Variants in PPP3CC observed in about 807,000 individuals in gnomAD.
The protein encoded by PPP3CC is protein phosphatase 3 catalytic subunit gamma.
In PPP3CC, 35 loss-of-function variants were observed where a neutral mutation model predicts 60.3. The observed-to-expected ratio is 0.58, with a 90% CI of 0.44 to 0.77. The LOEUF (loss-of-function observed/expected upper bound fraction) is 0.77, where lower values mean the gene tolerates loss of function less well. Among genes scored for constraint, PPP3CC ranks in the 30% least tolerant of loss-of-function variants. The pLI is 0.00. For synonymous variants in PPP3CC, 206 were observed against 224.3 expected, an observed-to-expected ratio of 0.92 and a Z score of 0.73; for missense variants, 570 against 628.9, an observed-to-expected ratio of 0.91 and a Z score of 1.00.
chr8:22,498,209 T>C (rs944857795), intron 4 of PPP3CC, 97 bp downstream of exon 4: 9 of 686,332 alleles, frequency 1.3e-5, no homozygotes, highest in Non-Finnish European at 2.1e-5. Flanking sequence ...AGAATTTAAA[T>C]GCTTCCTGTC....
intron 2 of PPP3CC, 85 bp from the exon 3 acceptor site, chr8:22,475,414 GA>G: frequency 7.1e-7 from 1 of 1,411,160 alleles, no homozygotes; most frequent in Non-Finnish European, 9.6e-7. Flanking sequence ...ATTTAAGTTA[GA>G]AGTTAAACTG....
chr8:22,536,436 A>G (rs1054146714), intron 12 of PPP3CC, among the ~76,000 whole-genome samples: 1 of 152,252 alleles, frequency 6.6e-6, no homozygotes. Flanking sequence ...AACTTTGTCT[A>G]AACCTTGAGA....
In PPP3CC at chr8:22,455,461, G is replaced by GT. The variant is rs555146278; in HGVS notation, c.49+14010dup. Among the ~76,000 whole-genome samples, 481 of 152,218 alleles carry GT rather than the reference G, an allele frequency of 3.2e-3. 3 individuals carry two copies. Among genetic ancestry groups the GT allele is most frequent in the African/African-American group, 0.011 (455 of 41,530 alleles). On this transcript the variant is annotated intron_variant, in intron 1 of 13. Coordinates refer to ENST00000240139, the MANE Select transcript of PPP3CC (RefSeq NM_005605.5). ...TGGCCTGAAGAGGTAAGACTTTTGT[G>GT]TTTTTTTATGTGTGTGCCTACGTAT...
Position 22,441,425 on chromosome 8 carries a change from T to G in PPP3CC, c.16T>G (p.Phe6Val). Reference sequence around the variant, plus strand: ...CGAGGGGACCATGTCCGGGAGGCGCTTCCACCTCTCCACCACCGACCGCGT... The same window carrying G: ...CGAGGGGACCATGTCCGGGAGGCGCGTCCACCTCTCCACCACCGACCGCGT... Reference protein sequence around the residue: MSGRRFHLSTTDRVIK... With the variant: MSGRRVHLSTTDRVIK... Residue 6 changes from phenylalanine to valine, a missense_variant, in exon 1 of 14, where the codon TTC becomes GTC. Physicochemically the swap from Phe to Val is conservative, Grantham distance 50. Coordinates refer to ENST00000240139, the MANE Select transcript of PPP3CC (RefSeq NM_005605.5). 2 of 1,546,384 alleles carry G rather than the reference T, an allele frequency of 1.3e-6. No homozygotes were observed. The highest frequency in any genetic ancestry group is 1.7e-6 in the Non-Finnish European group (2 of 1,146,298).
intron 8 of PPP3CC, among the ~76,000 whole-genome samples, chr8:22,526,665 A>G (rs1839569697): frequency 6.6e-6 from 1 of 152,174 alleles, no homozygotes; most frequent in African/African-American, 2.4e-5. Flanking sequence ...GAATAGTGCA[A>G]ACAACATTGC....
chr8:22,540,136 G>T (rs1465839332), intron 13 of PPP3CC, among the ~76,000 whole-genome samples: 1 of 152,224 alleles, frequency 6.6e-6, no homozygotes, highest in Non-Finnish European at 1.5e-5. Context: ...GGTTGTGCAA[G>T]ATAGAAAGCT....
chr8:22,515,879 A>G (rs1050860995), intron 6 of PPP3CC, among the ~76,000 whole-genome samples: 1 of 151,864 alleles, frequency 6.6e-6, no homozygotes, highest in African/African-American at 2.4e-5. Flanking sequence ...CTCTTGTCAG[A>G]TGGATAGTAA....
At chr8:22,454,411 G>C (rs1271085032) in intron 1 of PPP3CC, among the ~76,000 whole-genome samples, 5 of 152,174 alleles carry the variant, frequency 3.3e-5, no homozygotes, top group Non-Finnish European at 7.3e-5. Flanking sequence ...ACTTCCTGAA[G>C]GACCTGTCTG....
intron 1 of PPP3CC, among the ~76,000 whole-genome samples, chr8:22,466,163 G>T (rs917540478): frequency 6.4e-5 from 8 of 124,280 alleles, no homozygotes; most frequent in Non-Finnish European, 1.5e-4. Context: ...CAAAGGACAT[G>T]AACTCATCCT....
At chr8:22,534,068 A>G (rs1399672233) in intron 12 of PPP3CC, among the ~76,000 whole-genome samples, 20 of 151,582 alleles carry the variant, frequency 1.3e-4, no homozygotes, top group Admixed American at 1.3e-3. Flanking sequence ...GCATGGTGGC[A>G]TACTCCTGTA....
rs372044929 is a variant in PPP3CC at position 22,533,030 on chromosome 8, A to T, written c.1321+12A>T. The T allele has an allele frequency of 2.0e-5, 31 of 1,551,052 alleles. No homozygotes were observed. The highest frequency in any genetic ancestry group is 2.5e-5 in the Non-Finnish European group (29 of 1,139,954). ...GACTATCGAGACAGGTGAGTATGAG[A>T]GTGCTCCTCCATGGAAGGTGTGCTC... is the stretch of plus-strand genomic sequence containing the variant. On this transcript the variant is annotated intron_variant, in intron 12 of 13. Transcript: ENST00000240139.
chr8:22,537,849 A>G (rs779330754), intron 12 of PPP3CC, among the ~76,000 whole-genome samples: 1 of 152,200 alleles, frequency 6.6e-6, no homozygotes, highest in Non-Finnish European at 1.5e-5. Flanking sequence ...AGAACAGACC[A>G]ATCTAGAGAG....
At position 22,530,666 on chromosome 8, in the gene PPP3CC, A is replaced by G. The variant is rs554310277; in HGVS notation, c.1142-1559A>G. Among the ~76,000 whole-genome samples, 13 of 151,602 alleles carry G rather than the reference A, an allele frequency of 8.6e-5. 1 individual carries two copies. The South Asian group carries it at 2.7e-3, about 32-fold the overall frequency. On this transcript the variant is annotated intron_variant, in intron 10 of 13. Transcript: ENST00000240139. ...GCCAACATGGTGAAACCCCATCTCT[A>G]CTAAAAATACAAAAATTAGCTGGGG...
chr8:22,445,992 G>C (rs930495945), intron 1 of PPP3CC, among the ~76,000 whole-genome samples: 1 of 152,000 alleles, frequency 6.6e-6, no homozygotes, highest in African/African-American at 2.4e-5. Context: ...TTACCTATAC[G>C]TTATTGGTTG....
intron 3 of PPP3CC, chr8:22,492,548 G>A: frequency 2.7e-6 from 1 of 370,832 alleles, no homozygotes; most frequent in Non-Finnish European, 4.9e-6. Context: ...ATCTCAGCTG[G>A]TGGTCCACCC....
intron 4 of PPP3CC, among the ~76,000 whole-genome samples, chr8:22,500,099 T>G (rs1409236435): frequency 6.6e-6 from 1 of 152,210 alleles, no homozygotes; most frequent in Non-Finnish European, 1.5e-5. Context: ...AAAGAATTTC[T>G]GGGTTAGGGG....
chr8:22,449,139 GA>G (rs1158269442), intron 1 of PPP3CC, among the ~76,000 whole-genome samples: 1 of 151,962 alleles, frequency 6.6e-6, no homozygotes, highest in Non-Finnish European at 1.5e-5. Context: ...AAGTTAGGGA[GA>G]AAAAAAGTAC....
intron 3 of PPP3CC, among the ~76,000 whole-genome samples, chr8:22,480,254 G>GT (rs1233732139): frequency 6.6e-6 from 1 of 151,996 alleles, no homozygotes; most frequent in Non-Finnish European, 1.5e-5. Flanking sequence ...TTAAGACTGA[G>GT]TTATGAGTTA....
intron 6 of PPP3CC, among the ~76,000 whole-genome samples, chr8:22,513,684 G>C (rs78285190): frequency 0.016 from 2,509 of 152,120 alleles, 77 homozygotes; most frequent in African/African-American, 0.057. Flanking sequence ...CTGACTCTAA[G>C]TGATCTAGAC....
Sources: allele counts gnomAD v4.1 joint callset (sites outside exome capture counted in the v4.1 genomes callset), GRCh38; gene constraint gnomAD v4.1.1; transcripts MANE v1.5; gene names NCBI Gene and HGNC (gene_info 2026-07-23, HGNC 2026-07-21).